The following SLC6A4 variants were observed in gnomAD, a reference collection of about 807,000 sequenced individuals.
The protein encoded by SLC6A4 is solute carrier family 6 member 4.
A neutral mutation model predicts 73.4 loss-of-function variants in SLC6A4; 22 were observed. That is an observed-to-expected ratio of 0.30 (90% CI 0.21 to 0.43). The LOEUF (loss-of-function observed/expected upper bound fraction) is 0.43. Ranked by LOEUF, SLC6A4 falls within the 20% of genes least tolerant of loss-of-function variation. SLC6A4 has a pLI of 1.00. For missense variants in SLC6A4, 593 were observed against 808.5 expected, an observed-to-expected ratio of 0.73 and a Z score of 3.23; for synonymous variants, 270 against 315.5, an observed-to-expected ratio of 0.86 and a Z score of 1.53.
intron 14 of SLC6A4, among the ~76,000 whole-genome samples, chr17:30,199,837 C>G (rs1326914484): frequency 1.3e-5 from 2 of 152,094 alleles, no homozygotes; most frequent in Non-Finnish European, 2.9e-5. Flanking sequence ...GTGAACTATA[C>G]CTGATTAAAC....
intron 8 of SLC6A4, among the ~76,000 whole-genome samples, chr17:30,214,725 T>C (rs1294621166): frequency 8.7e-5 from 13 of 150,082 alleles, no homozygotes; most frequent in Non-Finnish European, 1.5e-4. Flanking sequence ...CTCCACCTCC[T>C]GGGTTCACGC....
intron 3 of SLC6A4, among the ~76,000 whole-genome samples, chr17:30,220,884 G>A (rs1365225443): frequency 1.2e-4 from 18 of 152,020 alleles, no homozygotes; most frequent in Non-Finnish European, 1.5e-5. Flanking sequence ...GATCTGTGAG[G>A]TCAGGTTTGG....
intron 14 of SLC6A4, among the ~76,000 whole-genome samples, chr17:30,200,771 T>G (rs1906007012): frequency 6.6e-6 from 1 of 152,196 alleles, no homozygotes; most frequent in Non-Finnish European, 1.5e-5. Flanking sequence ...TAAACAAACC[T>G]GTTTATTTAC....
intron 7 of SLC6A4, 40 bp from the exon 8 acceptor site, chr17:30,215,754 G>C: frequency 3.8e-6 from 6 of 1,561,990 alleles, no homozygotes; most frequent in Non-Finnish European, 5.3e-6. Context: ...GTGAGGGGGA[G>C]ACACAGGCTT....
At chr17:30,206,720 T>C (rs1179441735) in intron 13 of SLC6A4, among the ~76,000 whole-genome samples, 1 of 137,796 alleles carries the variant, frequency 7.3e-6, no homozygotes, top group African/African-American at 2.7e-5. Context: ...TTCTTTTTTT[T>C]TTTTTTTTTT....
intron 1 of SLC6A4, among the ~76,000 whole-genome samples, chr17:30,233,480 G>A (rs1048299815): frequency 1.3e-5 from 2 of 152,210 alleles, no homozygotes; most frequent in African/African-American, 4.8e-5. Flanking sequence ...AGGAGACCCT[G>A]ATTTGAAGGT....
Position 30,218,949 on chromosome 17 carries a change from C to CA in SLC6A4, c.344-19dup. ...GAATGCCCCTGAGGCAGATGAAAGA[C>CA]AATTTCACTCCCTGCCCACGTCTGT... On this transcript the variant is annotated intron_variant, in intron 3 of 14. Transcript: ENST00000650711. The CA allele has an allele frequency of 6.2e-7, 1 of 1,613,596 alleles. No individual in the cohort carries two copies. The highest frequency in any genetic ancestry group is 8.5e-7 in the Non-Finnish European group (1 of 1,179,956).
At chr17:30,222,984 T>C in intron 1 of SLC6A4, 69 bp from the exon 2 acceptor site, 2 of 481,340 alleles carry the variant, frequency 4.2e-6, no homozygotes, top group South Asian at 1.6e-5. Context: ...GTGCCTCCAC[T>C]GGGAGGGCCT....
At chr17:30,206,573 A>G (rs1442400013) in intron 13 of SLC6A4, 1 of 152,150 alleles carries the variant, frequency 6.6e-6, no homozygotes, top group African/African-American at 2.4e-5. Flanking sequence ...GTAAACACAG[A>G]AGTACTAGTA....
chr17:30,214,988 T>C (rs1329923076), intron 8 of SLC6A4, among the ~76,000 whole-genome samples: 68 of 131,866 alleles, frequency 5.2e-4, no homozygotes, highest in African/African-American at 1.9e-3. Context: ...TTTCTTTTTC[T>C]TTCCTTCCTT....
At chr17:30,221,332 G>A (rs922709333) in intron 3 of SLC6A4, among the ~76,000 whole-genome samples, 3 of 151,958 alleles carry the variant, frequency 2.0e-5, no homozygotes, top group Admixed American at 6.6e-5. Context: ...CTAGTCTTAC[G>A]CCAGTGAAGA....
chr17:30,226,165 A>G (rs1567823028), intron 1 of SLC6A4, among the ~76,000 whole-genome samples: 1 of 152,206 alleles, frequency 6.6e-6, no homozygotes, highest in African/African-American at 2.4e-5. Context: ...AACAAACAAA[A>G]ACAAATGAAC....
intron 8 of SLC6A4, among the ~76,000 whole-genome samples, chr17:30,214,446 A>G (rs1382156011): frequency 3.3e-5 from 5 of 150,942 alleles, no homozygotes; most frequent in Admixed American, 3.3e-4. Context: ...AAAAAAGAAA[A>G]GAAAAGAAAA....
chr17:30,225,348 TGTG>T lies in SLC6A4; in HGVS notation c.-220-2436_-220-2434del, dbSNP rs1906895914. Among the ~76,000 whole-genome samples the T allele has an allele frequency of 3.3e-5, 5 of 152,140 alleles. No homozygotes were observed. In the South Asian group the frequency reaches 1.0e-3, roughly 32 times the overall value. Reference sequence around the variant, plus strand: ...CCCTTTCTGCCTGCAAGCTCCTGCCTGTGGAGCCCCAGACTCTCTTCCTATTTT... The same window carrying T: ...CCCTTTCTGCCTGCAAGCTCCTGCCTGAGCCCCAGACTCTCTTCCTATTTT... On this transcript the variant is annotated intron_variant, in intron 1 of 14. Transcript: ENST00000650711.
At chr17:30,232,001 G>A (rs571212268) in intron 1 of SLC6A4, among the ~76,000 whole-genome samples, 4 of 152,288 alleles carry the variant, frequency 2.6e-5, no homozygotes, top group Admixed American at 2.6e-4. Flanking sequence ...ACAGAGCTAC[G>A]GGGAGCAGAA....
chr17:30,205,766 G>A (rs140596119), intron 13 of SLC6A4, among the ~76,000 whole-genome samples: 85 of 152,298 alleles, frequency 5.6e-4, no homozygotes, highest in Non-Finnish European at 9.0e-4. Flanking sequence ...GGGGTACAGA[G>A]AGACACATGC....
At chr17:30,212,251 A>T (rs1157037145) in intron 9 of SLC6A4, among the ~76,000 whole-genome samples, 2 of 152,224 alleles carry the variant, frequency 1.3e-5, no homozygotes, top group African/African-American at 2.4e-5. Context: ...CTGGTTTTAA[A>T]GCCATCATCA....
intron 1 of SLC6A4, among the ~76,000 whole-genome samples, chr17:30,230,101 GGAAGAGGAA>G (rs1197773821): frequency 1.1e-5 from 1 of 90,360 alleles, no homozygotes; most frequent in African/African-American, 4.7e-5. Flanking sequence ...AAGAAGAGGA[GGAAGAGGAA>G]GAGGAAGAGG....
intron 6 of SLC6A4, among the ~76,000 whole-genome samples, chr17:30,216,845 TTG>T (rs2086995926): frequency 1.9e-5 from 1 of 53,686 alleles, no homozygotes; most frequent in African/African-American, 4.3e-5. Context: ...TTGTTTTTTT[TTG>T]TTTGTTTGTT....
Sources: gnomAD v4.1 joint callset for allele counts (sites outside exome capture counted in the v4.1 genomes callset) on GRCh38, gnomAD v4.1.1 for gene constraint, MANE v1.5 for transcripts, NCBI Gene and HGNC (gene_info 2026-07-23, HGNC 2026-07-21) for gene names.